Variants in GLRB observed in about 807,000 individuals in gnomAD.
GLRB encodes the protein glycine receptor subunit beta.
Under a neutral mutation model 54.2 loss-of-function variants are expected in GLRB, and 33 were observed. The ratio of observed to expected loss-of-function variants is 0.61; its 90% CI spans 0.46 to 0.81. The LOEUF is 0.81. Among genes scored for constraint, GLRB ranks in the 40% least tolerant of loss-of-function variants. The pLI is 0.00. For missense variants in GLRB, 572 were observed against 584.6 expected (o/e 0.98, Z 0.22); for synonymous variants, 209 against 208.2 (o/e 1.00, Z -0.03).
intron 6 of GLRB, among the ~76,000 whole-genome samples, chr4:157,137,898 C>T (rs1054916651): frequency 6.6e-6 from 1 of 152,122 alleles, no homozygotes; most frequent in Non-Finnish European, 1.5e-5. Flanking sequence ...GAGTTCGATA[C>T]TAGACTAGTG....
At chr4:157,139,703 A>G (rs903234575) in intron 7 of GLRB, among the ~76,000 whole-genome samples, 3 of 152,030 alleles carry the variant, frequency 2.0e-5, no homozygotes, top group Admixed American at 6.6e-5. Flanking sequence ...TTATTATATT[A>G]GTAATAATAA....
chr4:157,162,592 G>A (rs753975469), intron 9 of GLRB, among the ~76,000 whole-genome samples: 63 of 152,154 alleles, frequency 4.1e-4, no homozygotes, highest in Non-Finnish European at 7.9e-4. Flanking sequence ...GGAGTTTGCC[G>A]GAGGTCCACT....
chr4:157,158,383 GT>G (rs1737323109), intron 9 of GLRB, among the ~76,000 whole-genome samples: 1 of 152,090 alleles, frequency 6.6e-6, no homozygotes, highest in African/African-American at 2.4e-5. Context: ...TGCTTTTGGC[GT>G]TTTAGTCATG....
intron 9 of GLRB, among the ~76,000 whole-genome samples, chr4:157,153,399 C>A (rs1737102541): frequency 6.6e-6 from 1 of 152,082 alleles, no homozygotes; most frequent in Non-Finnish European, 1.5e-5. Flanking sequence ...CATCACTGAT[C>A]ATCTGCCTTA....
chr4:157,136,080 A>G (rs1008037858), intron 4 of GLRB, among the ~76,000 whole-genome samples: 3 of 152,188 alleles, frequency 2.0e-5, no homozygotes, highest in African/African-American at 7.2e-5. Flanking sequence ...TTTTAATTTT[A>G]AGATATGTGT....
intron 2 of GLRB, among the ~76,000 whole-genome samples, chr4:157,117,985 A>G (rs552776464): frequency 6.6e-6 from 1 of 151,786 alleles, no homozygotes; most frequent in East Asian, 2.0e-4. Flanking sequence ...GTTTAAAAGG[A>G]CAGGTTTGGT....
intron 9 of GLRB, among the ~76,000 whole-genome samples, chr4:157,159,452 G>T (rs1737378571): frequency 6.6e-6 from 1 of 152,128 alleles, no homozygotes; most frequent in Non-Finnish European, 1.5e-5. Context: ...CATTGAGTAT[G>T]ATATTGGGCT....
chr4:157,102,339 C>T (rs999621498), intron 2 of GLRB, among the ~76,000 whole-genome samples: 1 of 152,114 alleles, frequency 6.6e-6, no homozygotes, highest in African/African-American at 2.4e-5. Context: ...TGGCAACTCC[C>T]CATTTTCCCT....
chr4:157,156,338 G>A (rs148174366), intron 9 of GLRB, among the ~76,000 whole-genome samples: 179 of 152,274 alleles, frequency 1.2e-3, no homozygotes, highest in African/African-American at 3.8e-3. Flanking sequence ...CATTGTTGGT[G>A]TATAGCAGTA....
intron 4 of GLRB, among the ~76,000 whole-genome samples, chr4:157,134,534 T>G (rs113653644): frequency 4.6e-5 from 7 of 152,002 alleles, no homozygotes; most frequent in Non-Finnish European, 8.8e-5. Flanking sequence ...AAAGAATACC[T>G]ATAAGATTTT....
At chr4:157,141,231 C>T (rs1032108601) in intron 7 of GLRB, among the ~76,000 whole-genome samples, 2 of 151,862 alleles carry the variant, frequency 1.3e-5, no homozygotes, top group African/African-American at 4.8e-5. Context: ...AACAAAACAA[C>T]TTATGCCTAA....
chr4:157,121,714 A>G (rs754021609), intron 3 of GLRB, among the ~76,000 whole-genome samples: 1 of 151,608 alleles, frequency 6.6e-6, no homozygotes, highest in Non-Finnish European at 1.5e-5. Flanking sequence ...GAGCAGCCAC[A>G]ATGAGATGAA....
intron 3 of GLRB, 121 bp downstream of exon 3, chr4:157,120,783 G>A (rs529806443): frequency 1.6e-4 from 87 of 547,590 alleles, no homozygotes; most frequent in South Asian, 1.2e-3. Context: ...AGATTTCAAA[G>A]TGATATATAA....
chr4:157,111,637 G>C (rs751737781), intron 2 of GLRB, among the ~76,000 whole-genome samples: 2 of 152,036 alleles, frequency 1.3e-5, no homozygotes, highest in Non-Finnish European at 2.9e-5. Flanking sequence ...TCACAAAGAA[G>C]ATTGATCCAT....
rs1737905301 is a variant in GLRB, at chr4:157,171,038, C to G, written c.*310C>G. On this transcript the variant is annotated 3_prime_UTR_variant, in exon 10 of 10. Coordinates refer to ENST00000264428, the MANE Select transcript of GLRB (RefSeq NM_000824.5). ...TAAACTGCAAATACTACAGATAATT[C>G]TGATAATAAAATGATATGCACGCTG... The G allele has an allele frequency of 5.3e-6, 1 of 188,946 alleles. No individual in the cohort carries two copies. The highest frequency in any genetic ancestry group is 1.1e-5 in the Non-Finnish European group (1 of 92,112). The allele number at this position is 188,946 out of a possible 1,614,324, so 11.7% of individuals were successfully genotyped here.
At position 157,152,889 on chromosome 4, in the gene GLRB, G is replaced by A. The variant is rs755411654; in HGVS notation, c.1076G>A (p.Arg359Lys). The A allele has an allele frequency of 1.2e-6, 2 of 1,614,066 alleles. No individual in the cohort carries two copies. Among genetic ancestry groups the A allele is most frequent in the East Asian group, 4.5e-5 (2 of 44,868 alleles). Reference protein sequence around the residue: ...VVQVMLNNPKRVEAEKARIAK... With the variant: ...VVQVMLNNPKKVEAEKARIAK... ...CAGGTGATGCTGAACAACCCCAAAA[G>A]GGTTGAAGCTGAAAAAGCCAGAATT... The change falls in exon 9 of 10, where the codon AGG becomes AAG. Residue 359 changes from arginine to lysine, a missense_variant. By Grantham distance (26) the Arg-to-Lys change is conservative. Coordinates refer to ENST00000264428, the MANE Select transcript of GLRB (RefSeq NM_000824.5).
At chr4:157,132,966 G>C (rs1736270358) in intron 4 of GLRB, among the ~76,000 whole-genome samples, 1 of 151,766 alleles carries the variant, frequency 6.6e-6, no homozygotes. Context: ...GTTGATCTCT[G>C]TATGGCTAGC....
intron 1 of GLRB, chr4:157,076,677 G>T (rs66526015): frequency 0.21 from 32,597 of 152,160 alleles, 3,695 homozygotes; most frequent in South Asian, 0.35. Flanking sequence ...GAGCAGAGTG[G>T]TGAATTTCTC....
chr4:157,131,429 G>C (rs142820816), intron 4 of GLRB, among the ~76,000 whole-genome samples: 15 of 151,734 alleles, frequency 9.9e-5, no homozygotes, highest in African/African-American at 3.4e-4. Context: ...ATAATTAGAC[G>C]TTATCCTCCA....
Sources: gnomAD v4.1 joint callset for allele counts (sites outside exome capture counted in the v4.1 genomes callset) on GRCh38, gnomAD v4.1.1 for gene constraint, MANE v1.5 for transcripts, NCBI Gene and HGNC (gene_info 2026-07-23, HGNC 2026-07-21) for gene names.